Variants in DNAH9 observed in about 807,000 individuals in gnomAD.
The protein encoded by DNAH9 is dynein axonemal heavy chain 9.
A neutral mutation model predicts 471.6 loss-of-function variants in DNAH9; 345 were observed. The observed-to-expected ratio is 0.73, with a 90% CI of 0.67 to 0.80. The LOEUF is 0.80. Among genes scored for constraint, DNAH9 ranks in the 30% least tolerant of loss-of-function variants. The pLI, the probability that DNAH9 is intolerant of heterozygous loss-of-function variation, is 0.00. For missense variants in DNAH9, 5,407 were observed against 5,609.2 expected (o/e 0.96, Z 1.15); for synonymous variants, 2,093 against 2,123.6 (o/e 0.99, Z 0.40).
At chr17:11,699,918 T>C (rs2074561402) in intron 23 of DNAH9, 35 bp downstream of exon 23, 2 of 1,609,414 alleles carry the variant, frequency 1.2e-6, no homozygotes, top group African/African-American at 1.3e-5. Context: ...CTTCTGCTTT[T>C]CTCTCTCAAA....
chr17:11,651,469 A>G (rs2073505175), intron 13 of DNAH9, 145 bp downstream of exon 13: 6 of 790,048 alleles, frequency 7.6e-6, no homozygotes, highest in African/African-American at 3.5e-5. Flanking sequence ...ATCCAAGCAG[A>G]GAAGGCAAGA....
At chr17:11,613,340 G>A (rs904060796) in intron 4 of DNAH9, among the ~76,000 whole-genome samples, 3 of 152,134 alleles carry the variant, frequency 2.0e-5, no homozygotes, top group Non-Finnish European at 4.4e-5. Flanking sequence ...ATGTTAAAGG[G>A]GCTTGGCACA....
At chr17:11,796,404 G>A (rs1969242346) in intron 42 of DNAH9, among the ~76,000 whole-genome samples, 1 of 152,220 alleles carries the variant, frequency 6.6e-6, no homozygotes, top group Non-Finnish European at 1.5e-5. Context: ...TATAGTTTTT[G>A]AAATCACCTT....
rs537663411 is a variant in DNAH9, at chr17:11,799,783, C to T, written c.8420+1990C>T. ...TGTTTTTAATAGAGACAGGGTTAAA[C>T]GATGTTGGCCAGGCTGGTCTCAAAC... On this transcript the variant is annotated intron_variant, in intron 43 of 68. Transcript: ENST00000262442. Among the ~76,000 whole-genome samples the T allele has an allele frequency of 3.3e-5, 5 of 152,294 alleles. No homozygotes were observed. The South Asian group carries it at 1.0e-3, about 32-fold the overall frequency.
At chr17:11,836,705 T>C (rs1457121974) in intron 49 of DNAH9, among the ~76,000 whole-genome samples, 2 of 152,196 alleles carry the variant, frequency 1.3e-5, no homozygotes, top group African/African-American at 4.8e-5. Context: ...CTTACCCAAA[T>C]TGCGAAATCA....
chr17:11,925,298 C>T (rs75987227), intron 62 of DNAH9: 1 of 428,494 alleles, frequency 2.3e-6, no homozygotes. Flanking sequence ...CAGTCACTCC[C>T]ATTCTTCCCG....
chr17:11,816,701 T>C (rs138905884), intron 45 of DNAH9, among the ~76,000 whole-genome samples: 269 of 152,300 alleles, frequency 1.8e-3, no homozygotes, highest in Non-Finnish European at 2.0e-3. Flanking sequence ...AGGATCTCTT[T>C]CCTGAAAAGC....
intron 1 of DNAH9, among the ~76,000 whole-genome samples, 165 bp downstream of exon 1, chr17:11,599,080 A>G (rs2072329676): frequency 6.6e-6 from 1 of 151,656 alleles, no homozygotes. Context: ...GAGCACAACC[A>G]GGAGGGAAGT....
rs550300868 is a variant in DNAH9, at chr17:11,877,473, TAAAAAAAAAAAAA to T, written c.10478+2307_10478+2319del. 8.0e-3 allele frequency among the ~76,000 whole-genome samples: 547 copies of T among 68,640 alleles called. 3 individuals carry two copies. The highest frequency in any genetic ancestry group is 0.01 in the Non-Finnish European group (406 of 39,782). 45.0% of individuals were successfully genotyped at this position (68,640 alleles called of 152,430 possible). ...GGGGGACAAGAACGAAAACTCTGTC[TAAAAAAAAAAAAA>T]AAAAAAAAAAAAAAAAAGTAATGGT... On this transcript the variant is annotated intron_variant, in intron 53 of 68. Coordinates refer to ENST00000262442, the MANE Select transcript of DNAH9 (RefSeq NM_001372.4).
intron 67 of DNAH9, among the ~76,000 whole-genome samples, chr17:11,947,627 G>GT (rs1166670563): frequency 2.6e-5 from 4 of 151,844 alleles, no homozygotes; most frequent in Admixed American, 1.3e-4. Flanking sequence ...CACCTGTTTG[G>GT]TTTTTTACTT....
At chr17:11,651,411 A>T in intron 13 of DNAH9, 87 bp downstream of exon 13, 1 of 1,371,774 alleles carries the variant, frequency 7.3e-7, no homozygotes, top group Non-Finnish European at 9.9e-7. Context: ...ATTCCCTGGT[A>T]ATCTTATTTG....
chr17:11,703,090 CA>C (rs535913798), intron 24 of DNAH9, among the ~76,000 whole-genome samples: 984 of 87,806 alleles, frequency 0.011, 8 homozygotes, highest in African/African-American at 0.033. Context: ...GAGACTGTCT[CA>C]AAAAAAAAAA....
At position 11,769,174 on chromosome 17, in the gene DNAH9, GGTTGATGGCGCGGCAGCGGCCT is replaced by G; in HGVS notation, c.7400_7421del (p.Leu2467SerfsTer29). The G allele has an allele frequency of 6.2e-7, 1 of 1,614,230 alleles. No homozygotes were observed. Among genetic ancestry groups the G allele is most frequent in the Non-Finnish European group, 8.5e-7 (1 of 1,180,038 alleles). ...ATCCGTGTGTGCTACTTCATGGAGC[GGTTGATGGCGCGGCAGCGGCCT>G]GTCATGCTGGTGGGCACGGCTGGCA... On this transcript the variant is annotated frameshift_variant, in exon 38 of 69. Coordinates refer to ENST00000262442, the MANE Select transcript of DNAH9 (RefSeq NM_001372.4). LOFTEE classifies it high-confidence loss of function.
At position 11,768,604 on chromosome 17, in the gene DNAH9, T is replaced by C. The variant is rs753922848; in HGVS notation, c.7322T>C (p.Phe2441Ser). ...PWSKLVPQFE[F>S]DPEMPLQACL... ...TCCAAGCTCGTCCCCCAGTTCGAAT[T>C]TGACCCCGAGATGCCCTTGCAGGTG... The change falls in exon 37 of 69, where the codon TTT becomes TCT. Residue 2441 changes from phenylalanine to serine, a missense_variant. Physicochemically the swap from Phe to Ser is radical, Grantham distance 155. Coordinates refer to ENST00000262442, the MANE Select transcript of DNAH9 (RefSeq NM_001372.4). 15 of 1,613,838 alleles carry C rather than the reference T, an allele frequency of 9.3e-6. No homozygotes were observed. The Admixed American group carries it at 2.3e-4, about 25-fold the overall frequency.
chr17:11,828,211 C>T (rs1403763342), intron 48 of DNAH9, among the ~76,000 whole-genome samples: 2 of 152,088 alleles, frequency 1.3e-5, no homozygotes, highest in Non-Finnish European at 2.9e-5. Context: ...CGGTGGCTCA[C>T]ACCTGTAATC....
rs1242596820 is a variant in DNAH9, at chr17:11,784,304, A to G, written c.7826A>G (p.His2609Arg). The G allele has an allele frequency of 6.2e-7, 1 of 1,613,996 alleles. No homozygotes were observed. The highest frequency in any genetic ancestry group is 8.5e-7 in the Non-Finnish European group (1 of 1,180,004). The change falls in exon 41 of 69, where the codon CAC becomes CGC. Residue 2609 changes from histidine (H) to arginine (R), a missense_variant. This residue lies in a region of DNAH9 where 4,636 missense variants were observed against 4,900.3 expected (regional missense o/e 0.95). Coordinates refer to ENST00000262442, the MANE Select transcript of DNAH9 (RefSeq NM_001372.4). ...SFTINPRLQR[H>R]FSVFVLSFPG... ...ATGCCTTTGTTTCCTGTACAGCGTC[A>G]CTTCAGCGTGTTTGTCCTCTCCTTC...
At chr17:11,741,575 A>T (rs1019753794) in intron 29 of DNAH9, among the ~76,000 whole-genome samples, 2 of 152,176 alleles carry the variant, frequency 1.3e-5, no homozygotes, top group Non-Finnish European at 2.9e-5. Flanking sequence ...AGAATAGGGG[A>T]ACTCTCAGTT....
chr17:11,682,618 G>T (rs918411455), intron 19 of DNAH9, among the ~76,000 whole-genome samples: 4 of 151,878 alleles, frequency 2.6e-5, no homozygotes, highest in Admixed American at 6.6e-5. Context: ...TAAAACATAT[G>T]ACTCTAAAGC....
At chr17:11,677,294 A>G (rs1243050716) in intron 17 of DNAH9, among the ~76,000 whole-genome samples, 1 of 152,024 alleles carries the variant, frequency 6.6e-6, no homozygotes, top group Non-Finnish European at 1.5e-5. Context: ...GTAATTCTGT[A>G]AATTTTTGCT....
Sources: allele counts gnomAD v4.1 joint callset (sites outside exome capture counted in the v4.1 genomes callset), GRCh38; gene constraint gnomAD v4.1.1; regional missense constraint gnomAD v4.1.1; transcripts MANE v1.5; gene names NCBI Gene and HGNC (gene_info 2026-07-23, HGNC 2026-07-21).